Variants in CADM2 observed in about 807,000 individuals in gnomAD.
CADM2 encodes cell adhesion molecule 2.
Under a neutral mutation model 49.8 loss-of-function variants are expected in CADM2, and 12 were observed. The ratio of observed to expected loss-of-function variants is 0.24; its 90% CI spans 0.15 to 0.39. The LOEUF (loss-of-function observed/expected upper bound fraction) is 0.39. CADM2 is among the 10% of genes least tolerant of loss of function. The pLI is 1.00. For synonymous variants in CADM2, 214 were observed against 175.4 expected, an observed-to-expected ratio of 1.22 and a Z score of -1.74; for missense variants, 378 against 492.3, an observed-to-expected ratio of 0.77 and a Z score of 2.20.
At chr3:85,724,746 A>G (rs1049938966) in intron 1 of CADM2, among the ~76,000 whole-genome samples, 25 of 151,924 alleles carry the variant, frequency 1.6e-4, no homozygotes, top group African/African-American at 6.0e-4. Context: ...GCTGGCATTG[A>G]TTATCTCAGT....
At chr3:86,046,051 A>G (rs879345778) in intron 8 of CADM2, among the ~76,000 whole-genome samples, 19 of 152,132 alleles carry the variant, frequency 1.2e-4, no homozygotes, top group Non-Finnish European at 2.5e-4. Context: ...GTTCAGTTCA[A>G]TACTGAACTG....
At chr3:86,058,211 G>C (rs1363245727) in intron 8 of CADM2, among the ~76,000 whole-genome samples, 1 of 152,040 alleles carries the variant, frequency 6.6e-6, no homozygotes, top group South Asian at 2.1e-4. Flanking sequence ...CTTTCAAATA[G>C]ACACTTAGAA....
At chr3:85,678,142 T>C (rs2065937718) in intron 1 of CADM2, among the ~76,000 whole-genome samples, 1 of 152,212 alleles carries the variant, frequency 6.6e-6, no homozygotes, top group African/African-American at 2.4e-5. Context: ...GAGATCCATG[T>C]GGACTAATGA....
At chr3:85,190,868 A>T (rs2041191842) in intron 1 of CADM2, among the ~76,000 whole-genome samples, 1 of 152,150 alleles carries the variant, frequency 6.6e-6, no homozygotes, top group South Asian at 2.1e-4. Context: ...ATGCAATGAG[A>T]TTGGTAACTG....
intron 1 of CADM2, among the ~76,000 whole-genome samples, chr3:85,008,522 A>G (rs760256833): frequency 5.3e-5 from 8 of 152,166 alleles, no homozygotes; most frequent in Non-Finnish European, 7.3e-5. Context: ...ACTTCACTGG[A>G]AAGTCCTGAG....
chr3:85,096,508 T>G (rs1246352986), intron 1 of CADM2, among the ~76,000 whole-genome samples: 2 of 152,300 alleles, frequency 1.3e-5, no homozygotes, highest in Non-Finnish European at 2.9e-5. Flanking sequence ...GAATATCAGG[T>G]AAATAAGTAT....
intron 1 of CADM2, among the ~76,000 whole-genome samples, chr3:85,229,367 T>G (rs2042232922): frequency 6.6e-6 from 1 of 152,130 alleles, no homozygotes; most frequent in Non-Finnish European, 1.5e-5. Context: ...TCTCACGGCT[T>G]CCCTTGGCTA....
At chr3:85,900,967 T>TA (rs1337898542) in intron 5 of CADM2, among the ~76,000 whole-genome samples, 1 of 152,208 alleles carries the variant, frequency 6.6e-6, no homozygotes, top group African/African-American at 2.4e-5. Flanking sequence ...ATAAGATATT[T>TA]TACAAAATTT....
chr3:85,063,495 C>T (rs549395040), intron 1 of CADM2, among the ~76,000 whole-genome samples: 5 of 152,060 alleles, frequency 3.3e-5, no homozygotes, highest in African/African-American at 1.2e-4. Context: ...ATAAATCTTA[C>T]TATCAAACTT....
At chr3:85,515,631 A>ATTTTTTTT in intron 1 of CADM2, among the ~76,000 whole-genome samples, 1 of 118,408 alleles carries the variant, frequency 8.4e-6, no homozygotes, top group African/African-American at 3.4e-5. Flanking sequence ...ATATATATAT[A>ATTTTTTTT]TTTTTTTTTT....
intron 1 of CADM2, among the ~76,000 whole-genome samples, chr3:85,402,733 T>G (rs1455318721): frequency 6.6e-6 from 1 of 152,160 alleles, no homozygotes; most frequent in African/African-American, 2.4e-5. Context: ...AAGTAATACC[T>G]CTTGATGCCA....
chr3:85,205,478 C>G (rs2041609968), intron 1 of CADM2, among the ~76,000 whole-genome samples: 1 of 151,876 alleles, frequency 6.6e-6, no homozygotes, highest in East Asian at 1.9e-4. Flanking sequence ...GAAGTTCTAT[C>G]TATATAGAAA....
At chr3:85,536,763 A>G (rs2061430527) in intron 1 of CADM2, among the ~76,000 whole-genome samples, 2 of 152,128 alleles carry the variant, frequency 1.3e-5, no homozygotes, top group East Asian at 1.9e-4. Flanking sequence ...TATGAGAGAT[A>G]TGTATAGCCA....
intron 8 of CADM2, among the ~76,000 whole-genome samples, chr3:85,990,815 G>A (rs879926819): frequency 6.6e-6 from 1 of 152,116 alleles, no homozygotes; most frequent in Non-Finnish European, 1.5e-5. Flanking sequence ...ATCCTTTAAA[G>A]CCATGCGAGG....
intron 7 of CADM2, among the ~76,000 whole-genome samples, chr3:85,946,950 T>C (rs1722790105): frequency 6.6e-6 from 1 of 152,038 alleles, no homozygotes; most frequent in South Asian, 2.1e-4. Context: ...ATAAATGAGA[T>C]ATAATTAAAC....
chr3:85,050,227 T>C (rs921899823), intron 1 of CADM2, among the ~76,000 whole-genome samples: 1 of 152,022 alleles, frequency 6.6e-6, no homozygotes, highest in African/African-American at 2.4e-5. Flanking sequence ...AGGCTAAAGA[T>C]GACCAGGTAG....
intron 1 of CADM2, among the ~76,000 whole-genome samples, chr3:85,521,501 T>A (rs1324572708): frequency 6.6e-6 from 1 of 152,176 alleles, no homozygotes; most frequent in African/African-American, 2.4e-5. Context: ...TGTTTAGGAT[T>A]TGTTTGCTTT....
chr3:85,979,489 A>G (rs1000474209), intron 8 of CADM2, among the ~76,000 whole-genome samples: 1 of 151,700 alleles, frequency 6.6e-6, no homozygotes, highest in African/African-American at 2.4e-5. Flanking sequence ...ACTTAAGACT[A>G]TTATCAAAAT....
intron 1 of CADM2, among the ~76,000 whole-genome samples, chr3:85,045,431 A>G (rs550196278): frequency 2.0e-5 from 3 of 152,256 alleles, no homozygotes; most frequent in East Asian, 1.9e-4. Context: ...GCATTTTGAT[A>G]TAGGTATGTT....
Sources: allele counts gnomAD v4.1 joint callset (sites outside exome capture counted in the v4.1 genomes callset), GRCh38; gene constraint gnomAD v4.1.1; transcripts MANE v1.5; gene names NCBI Gene and HGNC (gene_info 2026-07-23, HGNC 2026-07-21).